The following LRMDA variants were observed in gnomAD, a reference collection of about 807,000 sequenced individuals.
LRMDA encodes leucine rich melanocyte differentiation associated, also known as leucine-rich melanocyte differentiation-associated protein.
In LRMDA, 18 loss-of-function variants were observed where a neutral mutation model predicts 29.8. The ratio of observed to expected loss-of-function variants is 0.60; its 90% CI spans 0.42 to 0.90. The LOEUF (loss-of-function observed/expected upper bound fraction) is 0.90. Among genes scored for constraint, LRMDA ranks in the 40% least tolerant of loss-of-function variants. LRMDA has a pLI of 0.00. For missense variants in LRMDA, 273 were observed against 273.9 expected, an observed-to-expected ratio of 1.00 and a Z score of 0.02; for synonymous variants, 125 against 109.4, an observed-to-expected ratio of 1.14 and a Z score of -0.89.
intron 2 of LRMDA, among the ~76,000 whole-genome samples, chr10:75,539,341 T>C (rs1442616153): frequency 6.6e-6 from 1 of 152,180 alleles, no homozygotes; most frequent in African/African-American, 2.4e-5. Context: ...ACAAAAAGTA[T>C]TGATGGTTGC....
chr10:75,531,313 A>G (rs902233506), intron 2 of LRMDA, among the ~76,000 whole-genome samples: 9 of 152,342 alleles, frequency 5.9e-5, no homozygotes, highest in African/African-American at 1.9e-4. Flanking sequence ...TTAGTTCTGA[A>G]GGATGAGGCG....
At chr10:76,538,157 T>C (rs1843310527) in intron 6 of LRMDA, among the ~76,000 whole-genome samples, 2 of 152,198 alleles carry the variant, frequency 1.3e-5, no homozygotes, top group African/African-American at 2.4e-5. Flanking sequence ...ACATTTTCCA[T>C]CCTTTCCAAT....
chr10:75,889,688 C>G (rs761458798), intron 2 of LRMDA, among the ~76,000 whole-genome samples: 2 of 152,158 alleles, frequency 1.3e-5, no homozygotes, highest in African/African-American at 2.4e-5. Context: ...GGGTACCAAA[C>G]AAATCCGGTT....
chr10:75,579,722 C>T (rs1170503590), intron 2 of LRMDA, among the ~76,000 whole-genome samples: 1 of 152,186 alleles, frequency 6.6e-6, no homozygotes, highest in African/African-American at 2.4e-5. Flanking sequence ...GCTTATCTAC[C>T]ATGATCAAGT....
At chr10:75,485,408 C>G (rs1844899101) in intron 2 of LRMDA, among the ~76,000 whole-genome samples, 1 of 151,448 alleles carries the variant, frequency 6.6e-6, no homozygotes, top group African/African-American at 2.4e-5. Context: ...TTTTCTTTTT[C>G]TTTTTTGAGA....
intron 2 of LRMDA, among the ~76,000 whole-genome samples, chr10:75,650,181 A>C (rs1841579178): frequency 6.6e-6 from 1 of 152,226 alleles, no homozygotes; most frequent in African/African-American, 2.4e-5. Flanking sequence ...CATATCCAAG[A>C]AATCATTGCC....
At chr10:76,476,106 C>T (rs1842667244) in intron 6 of LRMDA, among the ~76,000 whole-genome samples, 1 of 152,014 alleles carries the variant, frequency 6.6e-6, no homozygotes, top group South Asian at 2.1e-4. Flanking sequence ...TCAATGAATC[C>T]AGGAGCTGGT....
At chr10:76,428,635 A>G (rs74148475) in intron 6 of LRMDA, among the ~76,000 whole-genome samples, 40 of 152,178 alleles carry the variant, frequency 2.6e-4, no homozygotes, top group African/African-American at 2.6e-4. Flanking sequence ...GCCTCTCCCT[A>G]TGAGATACAG....
At chr10:76,370,150 T>C (rs1841436643) in intron 6 of LRMDA, among the ~76,000 whole-genome samples, 1 of 152,132 alleles carries the variant, frequency 6.6e-6, no homozygotes, top group Non-Finnish European at 1.5e-5. Context: ...ATAGGGCTTG[T>C]GCTTTATGCC....
chr10:76,037,884 T>C (rs770050069), intron 3 of LRMDA, among the ~76,000 whole-genome samples: 43 of 152,220 alleles, frequency 2.8e-4, no homozygotes, highest in Non-Finnish European at 5.1e-4. Context: ...GTGGTCATTA[T>C]TGTCACTTTG....
At chr10:75,512,163 C>T (rs974954955) in intron 2 of LRMDA, among the ~76,000 whole-genome samples, 1 of 152,124 alleles carries the variant, frequency 6.6e-6, no homozygotes, top group African/African-American at 2.4e-5. Context: ...CAGGCAAAGC[C>T]AAGGTTGAAC....
At chr10:76,525,525 C>G (rs1843165645) in intron 6 of LRMDA, among the ~76,000 whole-genome samples, 1 of 152,142 alleles carries the variant, frequency 6.6e-6, no homozygotes, top group African/African-American at 2.4e-5. Context: ...GGGTAGGAGG[C>G]AAGAACCTGA....
chr10:76,240,731 C>A (rs1041283998), intron 5 of LRMDA, among the ~76,000 whole-genome samples: 7 of 150,040 alleles, frequency 4.7e-5, no homozygotes, highest in Non-Finnish European at 8.9e-5. Flanking sequence ...AGCCCAAATG[C>A]CCATTAATCA....
chr10:75,463,791 C>G (rs557328708), intron 2 of LRMDA, among the ~76,000 whole-genome samples: 2 of 152,156 alleles, frequency 1.3e-5, no homozygotes, highest in Non-Finnish European at 2.9e-5. Context: ...CCTTAGCCTC[C>G]CGAGTAGCTA....
intron 2 of LRMDA, among the ~76,000 whole-genome samples, chr10:75,627,770 G>C (rs1170357207): frequency 2.0e-5 from 3 of 152,192 alleles, no homozygotes; most frequent in Non-Finnish European, 4.4e-5. Context: ...CTTCCAATCT[G>C]GGGAAGATAT....
At chr10:76,392,463 G>A (rs911055019) in intron 6 of LRMDA, among the ~76,000 whole-genome samples, 3 of 151,918 alleles carry the variant, frequency 2.0e-5, no homozygotes, top group Admixed American at 6.6e-5. Context: ...GAAGTATTTT[G>A]GATTTCACAT....
At chr10:75,688,499 G>T (rs1281939131) in intron 2 of LRMDA, among the ~76,000 whole-genome samples, 1 of 152,246 alleles carries the variant, frequency 6.6e-6, no homozygotes, top group East Asian at 1.9e-4. Flanking sequence ...GAATGGAAGA[G>T]AAGTTGCTTC....
chr10:75,557,791 CTT>C (rs1367791211), intron 2 of LRMDA, among the ~76,000 whole-genome samples: 1 of 152,190 alleles, frequency 6.6e-6, no homozygotes, highest in Non-Finnish European at 1.5e-5. Flanking sequence ...CTCTTTTCCT[CTT>C]CTTTTAAAGC....
intron 2 of LRMDA, among the ~76,000 whole-genome samples, chr10:75,777,518 C>G (rs1843328745): frequency 6.6e-6 from 1 of 152,260 alleles, no homozygotes; most frequent in African/African-American, 2.4e-5. Flanking sequence ...CTGCAACAAG[C>G]TGCTTTTGTT....
Sources: gnomAD v4.1 joint callset for allele counts (sites outside exome capture counted in the v4.1 genomes callset) on GRCh38, gnomAD v4.1.1 for gene constraint, MANE v1.5 for transcripts, NCBI Gene and HGNC (gene_info 2026-07-23, HGNC 2026-07-21) for gene names.